The following CSNK2A2 variants were observed in gnomAD, a reference collection of about 807,000 sequenced individuals.
CSNK2A2 encodes the protein casein kinase II subunit alpha'.
In CSNK2A2, 8 loss-of-function variants were observed where a neutral mutation model predicts 54.0. The observed-to-expected ratio is 0.15, with a 90% CI of 0.09 to 0.27. CSNK2A2 has a LOEUF of 0.27. CSNK2A2 is among the 10% of genes least tolerant of loss of function. The pLI, the probability that CSNK2A2 is intolerant of heterozygous loss-of-function variation, is 1.00. For synonymous variants in CSNK2A2, 141 were observed against 153.9 expected, an observed-to-expected ratio of 0.92 and a Z score of 0.62; for missense variants, 242 against 439.4, an observed-to-expected ratio of 0.55 and a Z score of 4.02.
chr16:58,184,384 C>T, intron 3 of CSNK2A2, 74 bp from the exon 4 acceptor site: 2 of 1,091,164 alleles, frequency 1.8e-6, no homozygotes, highest in Non-Finnish European at 2.7e-6. Context: ...CCAAAATGGC[C>T]CATCCCCAAA....
intron 3 of CSNK2A2, among the ~76,000 whole-genome samples, chr16:58,185,164 A>G (rs920994561): frequency 2.6e-5 from 4 of 152,246 alleles, no homozygotes; most frequent in Middle Eastern, 3.4e-3. Context: ...AAAAAAAAAA[A>G]CATCTAGAAA....
At chr16:58,164,293 G>T in intron 10 of CSNK2A2, 146 bp from the exon 11 acceptor site, 1 of 611,036 alleles carries the variant, frequency 1.6e-6, no homozygotes, top group Non-Finnish European at 2.9e-6. Flanking sequence ...GGAAATCACG[G>T]AATTCCAGCC....
Position 58,197,566 on chromosome 16 carries a change from G to C in CSNK2A2, c.104+67C>G. On this transcript the variant is annotated intron_variant, in intron 1 of 11. Transcript: ENST00000262506. This position sits in a 1 kb window ranked among gnomAD's most constrained non-coding sequence, Gnocchi z 4.0. ...GGAGACACCACCGGGCCCGAGTGCG[G>C]TTCGCAGGGGGTGGCCGGGCGGGGG... The C allele has an allele frequency of 8.5e-7, 1 of 1,172,242 alleles. No individual in the cohort carries two copies. The highest frequency in any genetic ancestry group is 1.4e-5 in the South Asian group (1 of 69,930). The allele number at this position is 1,172,242 out of a possible 1,614,324, so 72.6% of individuals were successfully genotyped here. A position where few individuals can be genotyped will look rare whatever the true frequency, so the allele number is the denominator to read the frequency against.
chr16:58,177,276 A>G (rs1024508840), intron 4 of CSNK2A2, among the ~76,000 whole-genome samples: 1 of 152,226 alleles, frequency 6.6e-6, no homozygotes, highest in Non-Finnish European at 1.5e-5. Context: ...GAGAAACGTC[A>G]CAAGAACTAC....
intron 11 of CSNK2A2, chr16:58,158,806 G>C (rs977934690): frequency 6.6e-6 from 1 of 152,192 alleles, no homozygotes; most frequent in Non-Finnish European, 1.5e-5. Context: ...AAAAAGGGCT[G>C]AGTCCACTAA....
chr16:58,189,883 G>A (rs1041274673), intron 2 of CSNK2A2, among the ~76,000 whole-genome samples: 5 of 152,160 alleles, frequency 3.3e-5, no homozygotes, highest in African/African-American at 1.2e-4. Context: ...AGAGATGCTC[G>A]AGAAACTAAA....
chr16:58,195,788 T>C (rs1014147365), intron 2 of CSNK2A2, among the ~76,000 whole-genome samples: 3 of 152,248 alleles, frequency 2.0e-5, no homozygotes, highest in African/African-American at 4.8e-5. Flanking sequence ...ATCAAATTCA[T>C]TGCTAAACCA....
intron 5 of CSNK2A2, 84 bp from the exon 6 acceptor site, chr16:58,168,777 C>T: frequency 9.2e-7 from 1 of 1,087,488 alleles, no homozygotes; most frequent in African/African-American, 1.6e-5. Flanking sequence ...TTTGTGACAC[C>T]TTGACTTGAA....
At chr16:58,179,682 C>T (rs996118572) in intron 4 of CSNK2A2, among the ~76,000 whole-genome samples, 1 of 152,148 alleles carries the variant, frequency 6.6e-6, no homozygotes, top group Non-Finnish European at 1.5e-5. Context: ...TTGCAGTTTG[C>T]ACTTCTAGTT....
chr16:58,191,601 G>C (rs12932604), intron 2 of CSNK2A2, among the ~76,000 whole-genome samples: 37,707 of 152,058 alleles, frequency 0.25, 5,127 homozygotes, highest in East Asian at 0.5. Flanking sequence ...GACGTCAGGT[G>C]ATCTGCCCAC....
intron 2 of CSNK2A2, 59 bp from the exon 3 acceptor site, chr16:58,186,915 T>G (rs987500083): frequency 7.5e-5 from 102 of 1,352,598 alleles, no homozygotes; most frequent in Non-Finnish European, 1.1e-4. Context: ...AAATAAAACT[T>G]TAAAACAATG....
At chr16:58,163,271 A>G (rs55715193) in intron 11 of CSNK2A2, 4 of 150,050 alleles carry the variant, frequency 2.7e-5, no homozygotes, top group Non-Finnish European at 4.4e-5. Context: ...AAAAAAAAAA[A>G]AAAAAAGAAA....
At chr16:58,192,630 A>G (rs1192061112) in intron 2 of CSNK2A2, 2 of 152,168 alleles carry the variant, frequency 1.3e-5, no homozygotes, top group Non-Finnish European at 2.9e-5. Flanking sequence ...AAAGTCAAAC[A>G]CTTCCTTTGA....
chr16:58,168,962 T>C (rs1961653976), intron 5 of CSNK2A2, among the ~76,000 whole-genome samples: 1 of 151,828 alleles, frequency 6.6e-6, no homozygotes, highest in Non-Finnish European at 1.5e-5. Flanking sequence ...AGTCTTGCTC[T>C]GTCGCCCAGG....
chr16:58,174,653 T>C lies in CSNK2A2; in HGVS notation c.370-143A>G, dbSNP rs575833501. 73 of 514,278 alleles carry C rather than the reference T, an allele frequency of 1.4e-4. 2 individuals are homozygous for C. The South Asian group carries it at 2.1e-3, about 15-fold the overall frequency. The allele number at this position is 514,278 out of a possible 1,614,324, so 31.9% of individuals were successfully genotyped here. A position where few individuals can be genotyped will look rare whatever the true frequency, so the allele number is the denominator to read the frequency against. ...TTTTTACTACCTGATCTGAAATAAATGGGAAGACTAAAGATGAAGGTTTTA... is the reference window on the plus strand; with the variant it reads ...TTTTTACTACCTGATCTGAAATAAACGGGAAGACTAAAGATGAAGGTTTTA... On this transcript the variant is annotated intron_variant, in intron 4 of 11. Coordinates refer to ENST00000262506, the MANE Select transcript of CSNK2A2 (RefSeq NM_001896.4).
At chr16:58,158,475 TGGA>T (rs1407766002) in intron 11 of CSNK2A2, 122 bp from the exon 12 acceptor site, 1 of 152,318 alleles carries the variant, frequency 6.6e-6, no homozygotes, top group East Asian at 1.9e-4. Context: ...TGCCACTTGG[TGGA>T]GAACCCTGTG....
chr16:58,167,816 A>C, intron 6 of CSNK2A2, 21 bp from the exon 7 acceptor site: 3 of 1,593,252 alleles, frequency 1.9e-6, no homozygotes, highest in Admixed American at 3.3e-5. Context: ...GACAGAAAAA[A>C]ACATGTGAAA....
intron 4 of CSNK2A2, among the ~76,000 whole-genome samples, chr16:58,175,412 T>C (rs74019829): frequency 0.067 from 10,186 of 152,256 alleles, 414 homozygotes; most frequent in South Asian, 0.2. Context: ...TAAACTTCTC[T>C]TGTTCTTCTA....
intron 3 of CSNK2A2, among the ~76,000 whole-genome samples, chr16:58,186,506 G>A (rs760074599): frequency 6.6e-6 from 1 of 152,216 alleles, no homozygotes; most frequent in Non-Finnish European, 1.5e-5. Context: ...TTTGTGGGCT[G>A]AATCAAAATA....
Sources: allele counts gnomAD v4.1 joint callset (sites outside exome capture counted in the v4.1 genomes callset), GRCh38; gene constraint gnomAD v4.1.1; non-coding constraint Gnocchi (gnomAD v3.1); transcripts MANE v1.5; gene names NCBI Gene and HGNC (gene_info 2026-07-23, HGNC 2026-07-21).